Variants in PPM1L observed in about 807,000 individuals in gnomAD.
The protein encoded by PPM1L is protein phosphatase, Mg2+/Mn2+ dependent 1L, also known as protein phosphatase 1L.
PPM1L carries 13 observed loss-of-function variants against 31.4 expected under a neutral mutation model. The observed-to-expected ratio is 0.41, with a 90% CI of 0.27 to 0.66. PPM1L has a LOEUF of 0.66. PPM1L is among the 30% of genes least tolerant of loss of function. PPM1L has a pLI of 0.29. For missense variants in PPM1L, 326 were observed against 453.7 expected (o/e 0.72, Z 2.56); for synonymous variants, 184 against 175.4 (o/e 1.05, Z -0.39).
At chr3:160,965,749 T>C (rs1249251002) in intron 2 of PPM1L, among the ~76,000 whole-genome samples, 1 of 152,110 alleles carries the variant, frequency 6.6e-6, no homozygotes, top group African/African-American at 2.4e-5. Context: ...TTCCTCACAT[T>C]CTTGATTCAG....
chr3:160,903,852 A>C lies in PPM1L; in HGVS notation c.400-57884A>C, dbSNP rs114500092. Among the ~76,000 whole-genome samples, 697 of 152,212 alleles carry C rather than the reference A, an allele frequency of 4.6e-3. 6 individuals are homozygous for C. Among genetic ancestry groups the C allele is most frequent in the African/African-American group, 0.015 (642 of 41,540 alleles). On this transcript the variant is annotated intron_variant, in intron 1 of 3. Coordinates refer to ENST00000498165, the MANE Select transcript of PPM1L (RefSeq NM_139245.4). Reference sequence around the variant, plus strand: ...ATAATGTATTAGGAATTATGGATAGATATATAATACTGTAAATTATATATT... The same window carrying C: ...ATAATGTATTAGGAATTATGGATAGCTATATAATACTGTAAATTATATATT...
At position 160,815,674 on chromosome 3, in the gene PPM1L, A is replaced by G. The variant is rs566061135; in HGVS notation, c.399+58967A>G. Among the ~76,000 whole-genome samples, 9 of 152,296 alleles carry G rather than the reference A, an allele frequency of 5.9e-5. No homozygotes were observed. In the East Asian group the frequency reaches 1.7e-3, roughly 29 times the overall value. ...ACTCCTTATTCCATCATAATATAGT[A>G]TCTATCATTCTACCATTAGAAATTA... On this transcript the variant is annotated intron_variant, in intron 1 of 3. Transcript: ENST00000498165.
chr3:160,911,311 A>G (rs965172807), intron 1 of PPM1L, among the ~76,000 whole-genome samples: 3 of 152,182 alleles, frequency 2.0e-5, no homozygotes, highest in African/African-American at 7.2e-5. Context: ...TATGTTATGT[A>G]TCTCTGATGG....
chr3:160,847,641 A>AAC (rs1263912464), intron 1 of PPM1L, among the ~76,000 whole-genome samples: 1 of 152,158 alleles, frequency 6.6e-6, no homozygotes, highest in Non-Finnish European at 1.5e-5. Context: ...TACCAAACCA[A>AAC]ACACACACAC....
chr3:161,048,932 G>C (rs1029315852), intron 2 of PPM1L, among the ~76,000 whole-genome samples: 1 of 114,200 alleles, frequency 8.8e-6, no homozygotes, highest in Admixed American at 1.1e-4. Flanking sequence ...GCCTGTCGTG[G>C]GGTGGGGGGA....
At chr3:160,841,717 A>G (rs979462681) in intron 1 of PPM1L, among the ~76,000 whole-genome samples, 1 of 152,164 alleles carries the variant, frequency 6.6e-6, no homozygotes, top group African/African-American at 2.4e-5. Context: ...AGTGGGTGCA[A>G]ATAACTTTGT....
Position 161,012,454 on chromosome 3 carries a change from A to G in PPM1L, c.574+50544A>G, listed in dbSNP as rs564139909. 4.6e-5 allele frequency among the ~76,000 whole-genome samples: 7 copies of G among 152,158 alleles called. No homozygotes were observed. In the East Asian group the frequency reaches 1.4e-3, roughly 29 times the overall value. ...ATTGAGGATTTTTGCATCAATGTTA[A>G]TCAAGGATATTGGTCTAAAATTCTC... On this transcript the variant is annotated intron_variant, in intron 2 of 3. Transcript: ENST00000498165.
At chr3:160,919,076 T>C (rs1414120339) in intron 1 of PPM1L, among the ~76,000 whole-genome samples, 1 of 152,224 alleles carries the variant, frequency 6.6e-6, no homozygotes, top group Admixed American at 6.5e-5. Context: ...ACTGGGATAA[T>C]GTCTTTGAAA....
At chr3:161,034,915 T>A (rs1209385740) in intron 2 of PPM1L, among the ~76,000 whole-genome samples, 1 of 151,616 alleles carries the variant, frequency 6.6e-6, no homozygotes, top group Non-Finnish European at 1.5e-5. Flanking sequence ...TAAAAAAGAA[T>A]GAGTTCATGT....
At chr3:161,032,521 T>G (rs1482776775) in intron 2 of PPM1L, among the ~76,000 whole-genome samples, 1 of 152,120 alleles carries the variant, frequency 6.6e-6, no homozygotes, top group East Asian at 1.9e-4. Context: ...TTATAGAAAC[T>G]TGCTATTCTC....
At chr3:160,963,077 C>G (rs1177137979) in intron 2 of PPM1L, among the ~76,000 whole-genome samples, 1 of 151,786 alleles carries the variant, frequency 6.6e-6, no homozygotes, top group African/African-American at 2.4e-5. Context: ...TTCTCTCATC[C>G]TTAATGGAAT....
In PPM1L at chr3:161,047,820, AAAAC is replaced by A. The variant is rs1474881630; in HGVS notation, c.575-17580_575-17577del. ...CATCTGATTTTTGACAAACCTGACT[AAAAC>A]AAGAAATGGGGAAAGGATTCCCTAT... On this transcript the variant is annotated intron_variant, in intron 2 of 3. Coordinates refer to ENST00000498165, the MANE Select transcript of PPM1L (RefSeq NM_139245.4). Among the ~76,000 whole-genome samples, 363 of 152,378 alleles carry A rather than the reference AAAAC, an allele frequency of 2.4e-3. 2 individuals carry two copies. The highest frequency in any genetic ancestry group is 8.3e-3 in the African/African-American group (344 of 41,590).
intron 1 of PPM1L, among the ~76,000 whole-genome samples, chr3:160,840,576 T>G (rs1462120460): frequency 6.6e-6 from 1 of 152,110 alleles, no homozygotes; most frequent in Non-Finnish European, 1.5e-5. Flanking sequence ...TCCAAAGGCC[T>G]GAGAACCAAG....
intron 1 of PPM1L, among the ~76,000 whole-genome samples, chr3:160,956,990 G>A (rs1338114785): frequency 6.6e-6 from 1 of 152,208 alleles, no homozygotes; most frequent in Non-Finnish European, 1.5e-5. Context: ...ACCAGTTGGA[G>A]GAGCTAAAGT....
At chr3:160,883,977 G>A (rs1712822101) in intron 1 of PPM1L, among the ~76,000 whole-genome samples, 1 of 151,956 alleles carries the variant, frequency 6.6e-6, no homozygotes, top group Non-Finnish European at 1.5e-5. Context: ...GGCTGAGGTA[G>A]GAGGATTTCT....
chr3:160,814,518 TAC>T (rs1330029237), intron 1 of PPM1L, among the ~76,000 whole-genome samples: 3 of 78,562 alleles, frequency 3.8e-5, no homozygotes, highest in African/African-American at 1.8e-4. Flanking sequence ...TGTATATATA[TAC>T]ACACACATAT....
chr3:160,757,873 C>A (rs1714856713), intron 1 of PPM1L, among the ~76,000 whole-genome samples: 1 of 152,174 alleles, frequency 6.6e-6, no homozygotes, highest in Non-Finnish European at 1.5e-5. Flanking sequence ...GCAGGGACTG[C>A]CATTCTTTTT....
intron 1 of PPM1L, among the ~76,000 whole-genome samples, chr3:160,759,516 C>T (rs758207037): frequency 6.6e-6 from 1 of 152,020 alleles, no homozygotes; most frequent in Non-Finnish European, 1.5e-5. Context: ...TTGTTGATCT[C>T]TATATGAAAC....
At chr3:160,803,832 C>A (rs1034373600) in intron 1 of PPM1L, among the ~76,000 whole-genome samples, 1 of 152,224 alleles carries the variant, frequency 6.6e-6, no homozygotes, top group Non-Finnish European at 1.5e-5. Flanking sequence ...GTTTAGACAT[C>A]TTTTTTGAGT....
Sources: gnomAD v4.1 joint callset for allele counts (sites outside exome capture counted in the v4.1 genomes callset) on GRCh38, gnomAD v4.1.1 for gene constraint, MANE v1.5 for transcripts, NCBI Gene and HGNC (gene_info 2026-07-23, HGNC 2026-07-21) for gene names.